Variants in CCDC171 observed in about 807,000 individuals in gnomAD.
CCDC171 encodes coiled-coil domain-containing protein 171.
In CCDC171, 177 loss-of-function variants were observed where a neutral mutation model predicts 168.2. The observed-to-expected ratio is 1.05, with a 90% CI of 0.93 to 1.19. CCDC171 has a LOEUF of 1.19. Among genes scored for constraint, CCDC171 ranks in the 50% most tolerant of loss-of-function variants. The pLI, the probability that CCDC171 is intolerant of heterozygous loss-of-function variation, is 0.00. For missense variants in CCDC171, 1,991 were observed against 1,539.0 expected (o/e 1.29, Z -4.91); for synonymous variants, 687 against 540.8 (o/e 1.27, Z -3.75).
At chr9:15,954,908 G>T (rs980777967) in intron 25 of CCDC171, among the ~76,000 whole-genome samples, 1 of 152,002 alleles carries the variant, frequency 6.6e-6, no homozygotes, top group Non-Finnish European at 1.5e-5. Flanking sequence ...TTGTCTCAGA[G>T]ACCTGCCATC....
intron 18 of CCDC171, among the ~76,000 whole-genome samples, chr9:15,764,809 A>T (rs2056635757): frequency 6.6e-6 from 1 of 152,158 alleles, no homozygotes; most frequent in African/African-American, 2.4e-5. Flanking sequence ...GTACATTAGA[A>T]TTACCTGTGG....
chr9:16,020,190 T>C (rs1387693244), intron 3 of CCDC171, among the ~76,000 whole-genome samples: 1 of 152,232 alleles, frequency 6.6e-6, no homozygotes, highest in Non-Finnish European at 1.5e-5. Flanking sequence ...TTTTGTTTCA[T>C]GCACAAAATT....
chr9:15,990,524 GC>G lies in CCDC171; in HGVS notation n.369-30064del, dbSNP rs1005976626. The stretch of plus-strand genomic sequence containing the variant: ...AGGAAGAAACTGCAACAACTAACGA[GC>G]AAAATGACCAGCTAACATCATAATG... On this transcript the variant is annotated intron_variant and non_coding_transcript_variant, in intron 3 of 9. Coordinates refer to the CCDC171 transcript ENST00000486641. Among the ~76,000 whole-genome samples, 127 of 152,252 alleles carry G rather than the reference GC, an allele frequency of 8.3e-4. 1 individual carries two copies. Among genetic ancestry groups the G allele is most frequent in the African/African-American group, 2.3e-3 (97 of 41,556 alleles).
chr9:15,633,106 G>A (rs538350478), intron 7 of CCDC171, among the ~76,000 whole-genome samples: 1 of 152,272 alleles, frequency 6.6e-6, no homozygotes, highest in African/African-American at 2.4e-5. Flanking sequence ...CAGGACATAG[G>A]CATGGGCAAG....
At chr9:15,792,852 C>T (rs563542401) in intron 21 of CCDC171, among the ~76,000 whole-genome samples, 3 of 152,048 alleles carry the variant, frequency 2.0e-5, no homozygotes, top group Non-Finnish European at 2.9e-5. Flanking sequence ...ACAACCAGTA[C>T]CAGCCACTGC....
At chr9:15,807,147 T>C (rs1457908573) in intron 21 of CCDC171, among the ~76,000 whole-genome samples, 1 of 152,244 alleles carries the variant, frequency 6.6e-6, no homozygotes, top group Admixed American at 6.5e-5. Context: ...TTTCCTTGGA[T>C]TGCTTATGCC....
the CCDC171 span, among the ~76,000 whole-genome samples, chr9:16,103,429 G>A: frequency 4.5e-4 from 68 of 152,244 alleles, no homozygotes; most frequent in African/African-American, 1.5e-3. Flanking sequence ...GGAAGACAAC[G>A]GCACTTGTCT....
intron 11 of CCDC171, among the ~76,000 whole-genome samples, chr9:15,698,911 G>A (rs1001397588): frequency 1.3e-5 from 2 of 152,072 alleles, no homozygotes; most frequent in African/African-American, 4.8e-5. Flanking sequence ...CTATATCTTG[G>A]TTATTGTGAA....
downstream of CCDC171, among the ~76,000 whole-genome samples, chr9:15,977,576 T>C (rs1054744643): frequency 6.6e-6 from 1 of 152,228 alleles, no homozygotes; most frequent in African/African-American, 2.4e-5. Context: ...ACTGGGTTAA[T>C]GTTATCTGAA....
chr9:15,589,380 C>A (rs999754898), intron 4 of CCDC171, among the ~76,000 whole-genome samples: 1 of 152,224 alleles, frequency 6.6e-6, no homozygotes, highest in Non-Finnish European at 1.5e-5. Context: ...ACTGAGATGG[C>A]ACTCCTCAAA....
Position 15,971,974 on chromosome 9 carries a change from T to C in CCDC171, c.*138T>C, listed in dbSNP as rs1326080867. The C allele has an allele frequency of 4.5e-6, 3 of 664,698 alleles. No homozygotes were observed. 41.2% of individuals were successfully genotyped at this position (664,698 alleles called of 1,614,324 possible). A position where few individuals can be genotyped will look rare whatever the true frequency, so the allele number is the denominator to read the frequency against. Reference sequence around the variant, plus strand: ...AAAATTTGTGCGCTATCTTGATGTATTCTGGTAGCTCTGTCTCCTTGAATA... The same window carrying C: ...AAAATTTGTGCGCTATCTTGATGTACTCTGGTAGCTCTGTCTCCTTGAATA... On this transcript the variant is annotated 3_prime_UTR_variant, in exon 26 of 26. Transcript: ENST00000380701.
In CCDC171 at chr9:15,904,170, A is replaced by G. The variant is rs996242490; in HGVS notation, c.3601-16100A>G. On this transcript the variant is annotated intron_variant, in intron 24 of 25. Coordinates refer to ENST00000380701, the MANE Select transcript of CCDC171 (RefSeq NM_173550.4). ...GCCAACATTCAAATTCAGGAAATAT[A>G]GAGAATGCCACAAAGATACTCCTCG... is the stretch of plus-strand genomic sequence containing the variant. Among the ~76,000 whole-genome samples the G allele has an allele frequency of 9.8e-5, 15 of 152,322 alleles. No homozygotes were observed. The South Asian group carries it at 1.9e-3, about 19-fold the overall frequency.
At chr9:15,657,059 G>A in intron 7 of CCDC171, 68 bp from the exon 8 acceptor site, 8 of 842,178 alleles carry the variant, frequency 9.5e-6, no homozygotes, top group Non-Finnish European at 1.3e-5. Context: ...TATAATGCTG[G>A]ACTGTAGTGA....
chr9:16,093,066 C>G, the CCDC171 span, among the ~76,000 whole-genome samples: 1 of 152,194 alleles, frequency 6.6e-6, no homozygotes, highest in African/African-American at 2.4e-5. Context: ...TGAACGGTTT[C>G]ATTTTCAAAG....
the CCDC171 span, among the ~76,000 whole-genome samples, chr9:16,081,167 A>G: frequency 4.6e-5 from 7 of 152,176 alleles, no homozygotes; most frequent in African/African-American, 7.2e-5. Context: ...GGGTTCTAAC[A>G]TGGACATTGT....
At chr9:15,745,780 CTG>C in intron 18 of CCDC171, 149 bp downstream of exon 18, 1 of 445,118 alleles carries the variant, frequency 2.2e-6, no homozygotes, top group Non-Finnish European at 3.9e-6. Context: ...ATTGTTAACT[CTG>C]TACTTAATGA....
At chr9:16,065,843 T>TGTGTGTGC (rs1450658734), downstream of CCDC171, among the ~76,000 whole-genome samples, 1 of 149,472 alleles carries the variant, frequency 6.7e-6, no homozygotes, top group Non-Finnish European at 1.5e-5. Context: ...TGTGTGTGTG[T>TGTGTGTGC]GCTGATTAAA....
At chr9:15,596,802 G>C (rs1287107012) in intron 6 of CCDC171, among the ~76,000 whole-genome samples, 1 of 152,170 alleles carries the variant, frequency 6.6e-6, no homozygotes, top group Admixed American at 6.5e-5. Flanking sequence ...CCATTTGTTT[G>C]TATCCTCTTT....
intron 6 of CCDC171, among the ~76,000 whole-genome samples, chr9:16,024,359 C>G (rs1322487376): frequency 6.6e-6 from 1 of 152,200 alleles, no homozygotes; most frequent in Admixed American, 6.5e-5. Flanking sequence ...AGAGCATCCA[C>G]TCTAAAGGGA....
Sources: allele counts gnomAD v4.1 joint callset (sites outside exome capture counted in the v4.1 genomes callset), GRCh38; gene constraint gnomAD v4.1.1; transcripts MANE v1.5; gene names NCBI Gene and HGNC (gene_info 2026-07-23, HGNC 2026-07-21).